The following LINC00632 variants were observed in gnomAD, a reference collection of about 807,000 sequenced individuals.
LINC00632 encodes the protein ALDOA related specific transcript.
intron 2 of LINC00632, chrX:140,714,844 A>G (rs1188237778): frequency 1.9e-5 from 2 of 105,846 alleles, no homozygotes; most frequent in African/African-American, 7.1e-5. Flanking sequence ...AAAAATAAAA[A>G]AAAAAACAAC....
At position 140,722,227 on chromosome X, in the gene LINC00632, G is replaced by A. The variant is rs769846915; in HGVS notation, n.104+10571G>A. ...GCCCGATAAGATAGAATTAATACCC[G>A]CAATAAACAAACATGCCCTCTAATA... On this transcript the variant is annotated intron_variant and non_coding_transcript_variant, in intron 2 of 4. Transcript: ENST00000648200. 4.5e-5 allele frequency among the ~76,000 whole-genome samples: 5 copies of A among 109,989 alleles called. No homozygotes were observed. The East Asian group carries it at 1.2e-3, about 25-fold the overall frequency.
intron 3 of LINC00632, among the ~76,000 whole-genome samples, chrX:140,762,209 AAGAGAGAG>A (rs35880613): frequency 0.013 from 898 of 67,118 alleles, 6 homozygotes; most frequent in Non-Finnish European, 0.017. Context: ...GTTTTTCGAA[AAGAGAGAG>A]AGAGAGAGAG....
intron 3 of LINC00632, among the ~76,000 whole-genome samples, chrX:140,764,361 CGGGGGTGGGGGT>C (rs1163822329): frequency 1.3e-3 from 3 of 2,325 alleles, no homozygotes; most frequent in African/African-American, 3.0e-3. Flanking sequence ...GGGGCGGGGG[CGGGGGTGGGGGT>C]GGGGGTGGGG....
At chrX:140,783,665 CCAGT>C (rs753712488) in exon 5 of LINC00632, 3 of 1,211,242 alleles carry the variant, frequency 2.5e-6, no homozygotes, top group South Asian at 1.8e-5. Context: ...TCCAGGTCTT[CCAGT>C]CAGTCAGTGT....
intron 3 of LINC00632, among the ~76,000 whole-genome samples, chrX:140,763,958 G>A (rs1306618790): frequency 9.0e-6 from 1 of 111,069 alleles, no homozygotes; most frequent in African/African-American, 3.3e-5. Flanking sequence ...CCAGGCTGGC[G>A]TTCTGTGAAA....
intron 3 of LINC00632, among the ~76,000 whole-genome samples, chrX:140,752,660 A>G (rs149895986): frequency 0.013 from 1,426 of 112,475 alleles, 24 homozygotes; most frequent in African/African-American, 0.043. Context: ...TTAAAGCAGA[A>G]TAAAGAGAAA....
intron 3 of LINC00632, among the ~76,000 whole-genome samples, chrX:140,737,537 A>G (rs992127173): frequency 5.4e-5 from 6 of 111,354 alleles, no homozygotes; most frequent in Admixed American, 3.8e-4. Flanking sequence ...TCACCTTACT[A>G]TGCTATCCAA....
exon 5 of LINC00632, chrX:140,784,117 C>T: frequency 8.3e-7 from 1 of 1,211,668 alleles, no homozygotes; most frequent in South Asian, 1.8e-5. Flanking sequence ...CTATCCATGT[C>T]TTCCAGAAAA....
chrX:140,737,101 T>C lies in LINC00632; in HGVS notation n.191+3137T>C, dbSNP rs959333703. Among the ~76,000 whole-genome samples, 3 of 108,701 alleles carry C rather than the reference T, an allele frequency of 2.8e-5. 1 individual carries two copies. The highest frequency in any genetic ancestry group is 5.7e-5 in the Non-Finnish European group (3 of 52,447). The allele number at this position is 108,701 out of a possible 115,157, so 94.4% of individuals were successfully genotyped here. On this transcript the variant is annotated intron_variant and non_coding_transcript_variant, in intron 3 of 4. Coordinates refer to ENST00000648200, the Ensembl canonical transcript of LINC00632. ...TTTTAATAGAGGCAGGGTTTCACCA[T>C]GTTGCCCAGGCTGGTCTCGAGCTCC...
At chrX:140,749,791 C>G (rs1249350709) in intron 3 of LINC00632, among the ~76,000 whole-genome samples, 2 of 110,687 alleles carry the variant, frequency 1.8e-5, no homozygotes. Context: ...GTGATTTTCC[C>G]ACCTTAGCTG....
chrX:140,786,731 T>C (rs1246631408), exon 5 of LINC00632, among the ~76,000 whole-genome samples: 2 of 111,887 alleles, frequency 1.8e-5, no homozygotes, highest in Non-Finnish European at 1.9e-5. Context: ...CACACAAAGA[T>C]ACTCCTCACA....
intron 3 of LINC00632, among the ~76,000 whole-genome samples, chrX:140,746,675 A>G (rs985386717): frequency 3.6e-5 from 4 of 112,436 alleles, no homozygotes; most frequent in Admixed American, 2.8e-4. Flanking sequence ...GATAGGTGAC[A>G]GCTACTAATG....
chrX:140,750,722 C>T (rs1340274995), intron 3 of LINC00632, among the ~76,000 whole-genome samples: 1 of 110,572 alleles, frequency 9.0e-6, no homozygotes, highest in East Asian at 2.8e-4. Flanking sequence ...GCATCCGTCA[C>T]CTGAGCAGTG....
At chrX:140,781,446 C>T (rs1313836493) in exon 5 of LINC00632, among the ~76,000 whole-genome samples, 1 of 111,197 alleles carries the variant, frequency 9.0e-6, no homozygotes, top group Non-Finnish European at 1.9e-5. Flanking sequence ...GTTGGTTGGG[C>T]CCCTGAATGC....
chrX:140,711,128 C>T (rs1036481762), intron 1 of LINC00632, among the ~76,000 whole-genome samples: 3 of 111,490 alleles, frequency 2.7e-5, no homozygotes, highest in African/African-American at 9.8e-5. Context: ...TGCTTCTACG[C>T]CTTCCTCTCT....
chrX:140,734,249 T>C (rs1284727511), intron 3 of LINC00632, among the ~76,000 whole-genome samples: 1 of 112,109 alleles, frequency 8.9e-6, no homozygotes, highest in East Asian at 2.8e-4. Context: ...TGGAAAATGG[T>C]CTACTCCATC....
rs1240661110 is a variant in LINC00632, at chrX:140,772,715, A to AC, written n.830dup. ...AGTGAATCGGGGGCACACAAGAATC[A>AC]CTGAGAAAATCATACACAACTCAAA... On this transcript the variant is annotated non_coding_transcript_exon_variant, in exon 4 of 5. Transcript: ENST00000648200. The AC allele has an allele frequency of 1.9e-4, 26 of 134,974 alleles. No individual in the cohort carries two copies. The Admixed American group carries it at 2.3e-3, about 12-fold the overall frequency. 11.1% of individuals were successfully genotyped at this position (134,974 alleles called of 1,213,427 possible). A position where few individuals can be genotyped will look rare whatever the true frequency, so the allele number is the denominator to read the frequency against.
At chrX:140,719,245 C>A (rs914098028) in intron 2 of LINC00632, among the ~76,000 whole-genome samples, 1 of 111,381 alleles carries the variant, frequency 9.0e-6, no homozygotes, top group Non-Finnish European at 1.9e-5. Flanking sequence ...ACCGACACAC[C>A]CCATATCACC....
At chrX:140,737,763 C>T (rs896520981) in intron 3 of LINC00632, among the ~76,000 whole-genome samples, 2 of 111,825 alleles carry the variant, frequency 1.8e-5, no homozygotes, top group East Asian at 5.6e-4. Flanking sequence ...AAGATAATGA[C>T]TTCCAGTTCC....
Sources: gnomAD v4.1 joint callset for allele counts (sites outside exome capture counted in the v4.1 genomes callset) on GRCh38, gnomAD v4.1.1 for gene constraint, MANE v1.5 for transcripts, NCBI Gene and HGNC (gene_info 2026-07-23, HGNC 2026-07-21) for gene names.